Variants in GAPVD1 observed in about 807,000 individuals in gnomAD.
GAPVD1 encodes GTPase-activating protein and VPS9 domain-containing protein 1.
GAPVD1 carries 35 observed loss-of-function variants against 155.5 expected under a neutral mutation model. The ratio of observed to expected loss-of-function variants is 0.23; its 90% CI spans 0.17 to 0.30. GAPVD1 has a LOEUF of 0.30. Ranked by LOEUF, GAPVD1 falls within the 10% of genes least tolerant of loss-of-function variation. The pLI, the probability that GAPVD1 is intolerant of heterozygous loss-of-function variation, is 1.00. For missense variants in GAPVD1, 1,429 were observed against 1,775.7 expected (o/e 0.80, Z 3.51); for synonymous variants, 636 against 619.7 (o/e 1.03, Z -0.39).
At chr9:125,341,464 G>T (rs1030565932) in intron 18 of GAPVD1, 200 bp downstream of exon 18, 43 of 462,480 alleles carry the variant, frequency 9.3e-5, no homozygotes, top group Non-Finnish European at 1.6e-4. Context: ...TTTGCAGGAA[G>T]TGATAGTGGT....
intron 8 of GAPVD1, chr9:125,308,688 C>T (rs372433691): frequency 6.6e-6 from 1 of 152,156 alleles, no homozygotes; most frequent in African/African-American, 2.4e-5. Context: ...AATGTTGTTT[C>T]ATTTAATCCC....
rs1006941850 is a variant in GAPVD1, at chr9:125,363,547, A to T, written c.*801A>T. On this transcript the variant is annotated 3_prime_UTR_variant, in exon 28 of 28. Coordinates refer to ENST00000297933, the MANE Select transcript of GAPVD1 (RefSeq NM_001282680.3). ...TCACCGTGGAAGTTTGTGAGCCTGC[A>T]TTAGGAGATAGACTGATTACCATAC... is the stretch of plus-strand genomic sequence containing the variant. 2.0e-5 allele frequency: 3 copies of T among 152,268 alleles called. No individual in the cohort carries two copies. The highest frequency in any genetic ancestry group is 4.4e-5 in the Non-Finnish European group (3 of 68,038). The allele number at this position is 152,268 out of a possible 1,614,324, so 9.4% of individuals were successfully genotyped here.
intron 5 of GAPVD1, 92 bp downstream of exon 5, chr9:125,302,918 A>G: frequency 6.9e-7 from 1 of 1,448,838 alleles, no homozygotes; most frequent in South Asian, 1.4e-5. Flanking sequence ...CGATGACAGT[A>G]TTTGTATATT....
chr9:125,293,850 TTTTATATATATATATATA>T (rs1443835992), intron 2 of GAPVD1, among the ~76,000 whole-genome samples: 25 of 42,862 alleles, frequency 5.8e-4, no homozygotes, highest in African/African-American at 2.4e-3. Flanking sequence ...TAAAAATATA[TTTTATATATATATATATA>T]TATATATATA....
intron 20 of GAPVD1, among the ~76,000 whole-genome samples, chr9:125,348,764 A>G (rs1193999606): frequency 1.3e-5 from 2 of 152,146 alleles, no homozygotes; most frequent in African/African-American, 4.8e-5. Context: ...CACCCACCAA[A>G]GCCTCCCAAA....
In GAPVD1 at chr9:125,330,180, G is replaced by C. The variant is rs145182140; in HGVS notation, c.2135G>C (p.Ser712Thr). ...CTGSTISETT[S>T]EAWSVEVLPS... The stretch of plus-strand genomic sequence containing the variant: ...GGTTCTACCATATCAGAGACAACAA[G>C]TGAAGCTTGGAGTGTAGAGGTATTG... Residue 712 changes from serine (S) to threonine (T), a missense_variant, in exon 13 of 28, where the codon AGT becomes ACT. By Grantham distance (58) the Ser-to-Thr change is moderately conservative (BLOSUM62 1). Transcript: ENST00000297933. 3.1e-6 allele frequency: 5 copies of C among 1,612,922 alleles called. No individual in the cohort carries two copies. Among genetic ancestry groups the C allele is most frequent in the Non-Finnish European group, 4.2e-6 (5 of 1,179,208 alleles).
intron 2 of GAPVD1, among the ~76,000 whole-genome samples, chr9:125,283,453 G>A (rs922836112): frequency 1.1e-4 from 16 of 152,034 alleles, no homozygotes; most frequent in Admixed American, 3.3e-4. Context: ...TGACATCCCC[G>A]GCTCAAGTGA....
Position 125,293,879 on chromosome 9 carries a change from T to TATATA in GAPVD1, c.-149-1578_-149-1574dup, listed in dbSNP as rs1564312070. Among the ~76,000 whole-genome samples, 48 of 20,378 alleles carry TATATA rather than the reference T, an allele frequency of 2.4e-3. 2 individuals are homozygous for TATATA. The highest frequency in any genetic ancestry group is 9.1e-3 in the African/African-American group (45 of 4,970). The allele number at this position is 20,378 out of a possible 152,430, so 13.4% of individuals were successfully genotyped here. A position where few individuals can be genotyped will look rare whatever the true frequency, so the allele number is the denominator to read the frequency against. On this transcript the variant is annotated intron_variant, in intron 2 of 27. Transcript: ENST00000297933. ...ATATATATATATATATATATATATATATATATATATATATATATATATATA... is the reference window on the plus strand; with the variant it reads ...ATATATATATATATATATATATATATATATAATATATATATATATATATATATATA...
intron 15 of GAPVD1, chr9:125,336,811 G>A: frequency 1.8e-6 from 1 of 547,128 alleles, no homozygotes; most frequent in Admixed American, 3.5e-5. Context: ...CCACTTAAAT[G>A]TAAAGAAAAT....
rs76790451 is a variant in GAPVD1 at position 125,314,176 on chromosome 9, T to G, written c.1602+1564T>G. On this transcript the variant is annotated intron_variant, in intron 9 of 27. Coordinates refer to ENST00000297933, the MANE Select transcript of GAPVD1 (RefSeq NM_001282680.3). Reference sequence around the variant, plus strand: ...TCTTTCTAGTGGTATACTAGTAGTATTCCTGCATTATAGAGCCAAAAATAT... The same window carrying G: ...TCTTTCTAGTGGTATACTAGTAGTAGTCCTGCATTATAGAGCCAAAAATAT... Among the ~76,000 whole-genome samples, 1,432 of 152,352 alleles carry G rather than the reference T, an allele frequency of 9.4e-3. 25 individuals carry two copies. Among genetic ancestry groups the G allele is most frequent in the African/African-American group, 0.033 (1,357 of 41,582 alleles).
chr9:125,337,384 G>A lies in GAPVD1; in HGVS notation c.2670G>A (p.Arg890=). 1.2e-6 allele frequency: 2 copies of A among 1,614,104 alleles called. No individual in the cohort carries two copies. Among genetic ancestry groups the A allele is most frequent in the African/African-American group, 1.3e-5 (1 of 75,012 alleles). Residue 890 remains arginine, a synonymous_variant, in exon 17 of 28, where the codon AGG becomes AGA. Coordinates refer to ENST00000297933, the MANE Select transcript of GAPVD1 (RefSeq NM_001282680.3). ...TPAEMEAFKQ[R]HSYPERLVRS... Reference sequence around the variant, plus strand: ...CTGAAATGGAGGCATTCAAGCAAAGGCATTCTTACCCTGAGAGACTAGTTC... The same window carrying A: ...CTGAAATGGAGGCATTCAAGCAAAGACATTCTTACCCTGAGAGACTAGTTC...
intron 17 of GAPVD1, among the ~76,000 whole-genome samples, chr9:125,338,591 T>C (rs1847365847): frequency 6.6e-6 from 1 of 152,236 alleles, no homozygotes; most frequent in African/African-American, 2.4e-5. Context: ...TTTTCTCGAA[T>C]GTTCCTCAGG....
rs142191542 is a variant in GAPVD1, at chr9:125,355,097, T to G, written c.3757+256T>G. 4.2e-3 allele frequency among the ~76,000 whole-genome samples: 635 copies of G among 152,354 alleles called. 5 individuals are homozygous for G. The highest frequency in any genetic ancestry group is 0.01 in the Middle Eastern group (3 of 294). On this transcript the variant is annotated intron_variant, in intron 24 of 27. Coordinates refer to ENST00000297933, the MANE Select transcript of GAPVD1 (RefSeq NM_001282680.3). ...TTGGATCTATACAAATTTTCTCATT[T>G]TTTTTAAAAAGCCAAACATATTTTT... is the stretch of plus-strand genomic sequence containing the variant.
Position 125,323,985 on chromosome 9 carries a change from C to G in GAPVD1, c.1858+62C>G. The G allele has an allele frequency of 4.0e-6, 6 of 1,482,550 alleles. No homozygotes were observed. In the South Asian group the frequency reaches 6.0e-5, roughly 15 times the overall value. 91.8% of individuals were successfully genotyped at this position (1,482,550 alleles called of 1,614,324 possible). A position where few individuals can be genotyped will look rare whatever the true frequency, so the allele number is the denominator to read the frequency against. ...AGAATTTACCTGATTGCAAGATGAGCAGTGTGTTTTCATTAAGTTGGCTTG... is the reference window on the plus strand; with the variant it reads ...AGAATTTACCTGATTGCAAGATGAGGAGTGTGTTTTCATTAAGTTGGCTTG... On this transcript the variant is annotated intron_variant, in intron 11 of 27. Transcript: ENST00000297933.
intron 9 of GAPVD1, among the ~76,000 whole-genome samples, chr9:125,315,238 A>G (rs1843249658): frequency 6.6e-6 from 1 of 152,210 alleles, no homozygotes; most frequent in African/African-American, 2.4e-5. Flanking sequence ...AAGAAGACCA[A>G]CAATCTTCGA....
Position 125,305,059 on chromosome 9 carries a change from G to C in GAPVD1, c.1030-4G>C. 1.2e-6 allele frequency: 2 copies of C among 1,608,664 alleles called. No homozygotes were observed. The highest frequency in any genetic ancestry group is 1.7e-6 in the Non-Finnish European group (2 of 1,175,106). ...TGTCTCCCTACCACTGCTTTGGGTT[G>C]CAGGTAGGCCGCCTTTTGCAGCAGT... On this transcript the variant is annotated splice_region_variant and splice_polypyrimidine_tract_variant and intron_variant, in intron 5 of 27. Transcript: ENST00000297933.
chr9:125,341,216 A>G lies in GAPVD1; in HGVS notation c.2917A>G (p.Arg973Gly). Reference protein sequence around the residue: ...RKDSDDEKSDRNRPWWRKRFV... With the variant: ...RKDSDDEKSDGNRPWWRKRFV... Reference sequence around the variant, plus strand: ...AGATAGCGATGATGAGAAATCAGACAGGAACAGACCTTGGTGGAGAAAACG... The same window carrying G: ...AGATAGCGATGATGAGAAATCAGACGGGAACAGACCTTGGTGGAGAAAACG... Residue 973 changes from arginine to glycine, a missense_variant, in exon 18 of 28, where the codon AGG becomes GGG. Coordinates refer to ENST00000297933, the MANE Select transcript of GAPVD1 (RefSeq NM_001282680.3). 1 of 1,607,300 alleles carries G rather than the reference A, an allele frequency of 6.2e-7. No individual in the cohort carries two copies. Among genetic ancestry groups the G allele is most frequent in the South Asian group, 1.1e-5 (1 of 90,784 alleles).
chr9:125,270,248 G>A (rs1308182810), intron 2 of GAPVD1, among the ~76,000 whole-genome samples: 1 of 151,716 alleles, frequency 6.6e-6, no homozygotes, highest in African/African-American at 2.4e-5. Context: ...GGCCAACATG[G>A]AGAAACCCCG....
At position 125,302,154 on chromosome 9, in the gene GAPVD1, A is replaced by G. The variant is rs755810868; in HGVS notation, c.357A>G (p.Lys119=). ...CCTCCTCTTTGGTTGCTGGAGAGAA[A>G]CTTAATCAGGAGAACACACAAAGTG... ...LIASSLVAGE[K]LNQENTQSVI... The change falls in exon 5 of 28, where the codon AAA becomes AAG. Residue 119 remains lysine, a synonymous_variant. Transcript: ENST00000297933. 5.6e-5 allele frequency: 90 copies of G among 1,613,896 alleles called. No homozygotes were observed. The highest frequency in any genetic ancestry group is 6.9e-5 in the Non-Finnish European group (82 of 1,179,998).
Sources: gnomAD v4.1 joint callset for allele counts (sites outside exome capture counted in the v4.1 genomes callset) on GRCh38, gnomAD v4.1.1 for gene constraint, MANE v1.5 for transcripts, NCBI Gene and HGNC (gene_info 2026-07-23, HGNC 2026-07-21) for gene names.